Variants in LRP2 observed in about 807,000 individuals in gnomAD.
LRP2 encodes the protein LDL receptor related protein 2, also known as low-density lipoprotein receptor-related protein 2.
A neutral mutation model predicts 531.0 loss-of-function variants in LRP2; 172 were observed. The observed-to-expected ratio is 0.32, with a 90% confidence interval of 0.29 to 0.37. The LOEUF is 0.37. Among genes scored for constraint, LRP2 ranks in the 10% least tolerant of loss-of-function variants. LRP2 has a pLI of 1.00. For synonymous variants in LRP2, 1,992 were observed against 2,027.6 expected (o/e 0.98, Z 0.47); for missense variants, 5,167 against 5,868.3 (o/e 0.88, Z 3.90).
In LRP2 at chr2:169,256,108, C is replaced by T; in HGVS notation, c.2768G>A (p.Gly923Glu). ...ACTTTTATTGCTTTAAAACATACCT[C>T]CAAAGATGGCAAGTCCAAACGGATG... is the stretch of plus-strand genomic sequence containing the variant. ...MTHPFGLAIF[G>E]EHLFFTDWRL... Residue 923 changes from glycine (G) to glutamate (E), a missense_variant and splice_region_variant, in exon 19 of 79, where the codon GGA (glycine) becomes GAA (glutamate). Gly to Glu is a moderately conservative substitution (Grantham distance 98). Transcript: ENST00000649046. 1 of 1,612,734 alleles carries T rather than the reference C, an allele frequency of 6.2e-7. No individual in the cohort carries two copies. Among genetic ancestry groups the T allele is most frequent in the Non-Finnish European group, 8.5e-7 (1 of 1,179,058 alleles).
chr2:169,242,890 A>C lies in LRP2; in HGVS notation c.3667+66T>G, dbSNP rs74705514. Reference sequence around the variant, plus strand: ...GTTAGGGAAAATGTGTGGCAATATCAATATCAATACTGGCAAAAATGAAAT... The same window carrying C: ...GTTAGGGAAAATGTGTGGCAATATCCATATCAATACTGGCAAAAATGAAAT... On this transcript the variant is annotated intron_variant, in intron 24 of 78. Coordinates refer to ENST00000649046, the MANE Select transcript of LRP2 (RefSeq NM_004525.3). 7.7e-3 allele frequency: 8,863 copies of C among 1,156,394 alleles called. 110 individuals are homozygous for C. Among genetic ancestry groups the C allele is most frequent in the Middle Eastern group, 0.036 (186 of 5,192 alleles). The allele number at this position is 1,156,394 out of a possible 1,614,324, so 71.6% of individuals were successfully genotyped here. A position where few individuals can be genotyped will look rare whatever the true frequency, so the allele number is the denominator to read the frequency against.
chr2:169,246,966 G>A lies in LRP2; in HGVS notation c.2929C>T (p.Pro977Ser), dbSNP rs773841969. Reference protein sequence around the residue: ...IQTGSNACNQPTHPNGDCSHF... With the variant: ...IQTGSNACNQSTHPNGDCSHF... ...CTGCAGTCACCGTTAGGATGCGTGGGTTGATTACAGGCGTTAGAACCTGCA... is the reference window on the plus strand; with the variant it reads ...CTGCAGTCACCGTTAGGATGCGTGGATTGATTACAGGCGTTAGAACCTGCA... The change falls in exon 21 of 79, where the codon CCC (proline) becomes TCC (serine). Residue 977 changes from proline to serine, a missense_variant. Pro to Ser is a moderately conservative substitution (Grantham distance 74). Around this residue, in one of 6 missense-constraint regions of LRP2, gnomAD observed 2,811 missense variants for 3,058.0 expected, o/e 0.92. Transcript: ENST00000649046. 3 of 1,614,178 alleles carry A rather than the reference G, an allele frequency of 1.9e-6. No individual in the cohort carries two copies. In the East Asian group the frequency reaches 6.7e-5, roughly 36 times the overall value.
chr2:169,173,014 A>G, intron 57 of LRP2, 82 bp downstream of exon 57: 9 of 1,416,454 alleles, frequency 6.4e-6, no homozygotes, highest in Non-Finnish European at 8.0e-6. Flanking sequence ...TGGGAAATAC[A>G]CTCTCATCTC....
intron 16 of LRP2, among the ~76,000 whole-genome samples, chr2:169,263,377 A>G (rs1160857999): frequency 6.6e-6 from 1 of 151,782 alleles, no homozygotes; most frequent in African/African-American, 2.4e-5. Context: ...AGAATCTACA[A>G]TGAACTCAAA....
chr2:169,144,220 C>T (rs1038986865), intron 70 of LRP2, among the ~76,000 whole-genome samples: 4 of 152,204 alleles, frequency 2.6e-5, no homozygotes, highest in Non-Finnish European at 4.4e-5. Context: ...ACTAGAAATG[C>T]AAATTCTTAG....
rs202039335 is a variant in LRP2 at position 169,294,247 on chromosome 2, G to A, written c.553C>T (p.His185Tyr). 4 of 1,604,494 alleles carry A rather than the reference G, an allele frequency of 2.5e-6. No homozygotes were observed. The highest frequency in any genetic ancestry group is 1.7e-5 in the Admixed American group (1 of 59,998). The change falls in exon 6 of 79, where the codon CAC (histidine) becomes TAC (tyrosine). Residue 185 changes from histidine (H) to tyrosine (Y), a missense_variant. Coordinates refer to ENST00000649046, the MANE Select transcript of LRP2 (RefSeq NM_004525.3). ...DEINCTEICLHNEFSCGNGEC... is the reference protein window; with the variant it reads ...DEINCTEICLYNEFSCGNGEC... Reference sequence around the variant, plus strand: ...CCATTGCCACATGAAAACTCATTGTGCAAGCATATCTCAGCTGCAACAGAA... The same window carrying A: ...CCATTGCCACATGAAAACTCATTGTACAAGCATATCTCAGCTGCAACAGAA...
chr2:169,285,988 A>C (rs1424297300), intron 9 of LRP2, among the ~76,000 whole-genome samples: 1 of 152,232 alleles, frequency 6.6e-6, no homozygotes, highest in African/African-American at 2.4e-5. Context: ...CCATACAGAG[A>C]GTATTTGTTG....
At chr2:169,266,508 A>C (rs1257028215) in intron 16 of LRP2, among the ~76,000 whole-genome samples, 1 of 152,060 alleles carries the variant, frequency 6.6e-6, no homozygotes, top group African/African-American at 2.4e-5. Context: ...TCTCTCAACA[A>C]CCTTATGAGC....
At chr2:169,283,150 T>G in intron 9 of LRP2, 149 bp from the exon 10 acceptor site, 1 of 758,260 alleles carries the variant, frequency 1.3e-6, no homozygotes, top group Non-Finnish European at 2.3e-6. Context: ...GTTCTGAGAA[T>G]TTATAACAAC....
At chr2:169,153,024 G>C in intron 66 of LRP2, 60 bp from the exon 67 acceptor site, 1 of 1,517,882 alleles carries the variant, frequency 6.6e-7, no homozygotes, top group Non-Finnish European at 9.1e-7. Flanking sequence ...AGGAAGAACA[G>C]GGGTCTAATC....
At chr2:169,257,101 CG>C (rs1293057370) in intron 18 of LRP2, 22 bp downstream of exon 18, 1 of 1,611,498 alleles carries the variant, frequency 6.2e-7, no homozygotes, top group Non-Finnish European at 8.5e-7. Context: ...AACTAAGTAT[CG>C]GGGATGATGA....
At chr2:169,353,182 T>C (rs1204167738) in intron 1 of LRP2, among the ~76,000 whole-genome samples, 1 of 152,218 alleles carries the variant, frequency 6.6e-6, no homozygotes, top group African/African-American at 2.4e-5. Flanking sequence ...TGACTTTGTC[T>C]AGGGTCCTTA....
intron 64 of LRP2, among the ~76,000 whole-genome samples, 171 bp downstream of exon 64, chr2:169,157,200 A>G (rs760678075): frequency 1.3e-5 from 2 of 152,188 alleles, no homozygotes. Context: ...GATAGCATGC[A>G]TGCAGGTGGG....
At chr2:169,160,584 T>C (rs13011165) in intron 63 of LRP2, among the ~76,000 whole-genome samples, 79,670 of 151,030 alleles carry the variant, frequency 0.53, 21,715 homozygotes, top group Admixed American at 0.63. Flanking sequence ...AAATTATTAG[T>C]CCAGAGAAAT....
At chr2:169,344,640 T>C (rs926421205) in intron 1 of LRP2, among the ~76,000 whole-genome samples, 1 of 152,222 alleles carries the variant, frequency 6.6e-6, no homozygotes, top group Non-Finnish European at 1.5e-5. Context: ...AGCCAAACCC[T>C]GTTTCATTTT....
chr2:169,143,555 A>G (rs1346950648), intron 70 of LRP2, among the ~76,000 whole-genome samples: 1 of 152,208 alleles, frequency 6.6e-6, no homozygotes, highest in Non-Finnish European at 1.5e-5. Flanking sequence ...CTGAGGCAGG[A>G]GAATGGTGTG....
intron 61 of LRP2, among the ~76,000 whole-genome samples, chr2:169,167,894 T>C (rs962355028): frequency 5.3e-5 from 8 of 151,304 alleles, no homozygotes; most frequent in African/African-American, 1.9e-4. Flanking sequence ...GGCTTCATTC[T>C]TGGAGATTCT....
At chr2:169,338,019 A>T (rs908285833) in intron 1 of LRP2, among the ~76,000 whole-genome samples, 2 of 152,020 alleles carry the variant, frequency 1.3e-5, no homozygotes, top group Non-Finnish European at 1.5e-5. Context: ...AGGTGGGAGG[A>T]TCGCTTGCGC....
chr2:169,307,500 C>T, intron 3 of LRP2, 103 bp from the exon 4 acceptor site: 1 of 762,952 alleles, frequency 1.3e-6, no homozygotes, highest in Admixed American at 2.0e-5. Flanking sequence ...TTCATAGGGA[C>T]ACAAGGTAAA....
Sources: allele counts gnomAD v4.1 joint callset (sites outside exome capture counted in the v4.1 genomes callset), GRCh38; gene constraint gnomAD v4.1.1; regional missense constraint gnomAD v4.1.1; transcripts MANE v1.5; gene names NCBI Gene and HGNC (gene_info 2026-07-23, HGNC 2026-07-21).